Variants in PKIB observed in about 807,000 individuals in gnomAD.
PKIB encodes PKI-beta.
A neutral mutation model predicts 4.5 loss-of-function variants in PKIB; 2 were observed. The ratio of observed to expected loss-of-function variants is 0.44; its 90% CI spans 0.18 to 1.39. PKIB has a LOEUF of 1.39. PKIB is among the 40% of genes most tolerant of loss of function. The pLI is 0.27. For synonymous variants in PKIB, 38 were observed against 36.0 expected, an observed-to-expected ratio of 1.06 and a Z score of -0.20; for missense variants, 94 against 92.6, an observed-to-expected ratio of 1.02 and a Z score of -0.06.
chr6:122,574,810 C>G (rs1219267704), intron 2 of PKIB, among the ~76,000 whole-genome samples: 1 of 152,062 alleles, frequency 6.6e-6, no homozygotes, highest in Admixed American at 6.6e-5. Flanking sequence ...AAGATAACAT[C>G]AGAAAACTCT....
intron 1 of PKIB, among the ~76,000 whole-genome samples, chr6:122,473,430 T>G (rs779906887): frequency 9.2e-5 from 14 of 152,210 alleles, no homozygotes; most frequent in Non-Finnish European, 2.1e-4. Context: ...ACCTGAGATA[T>G]TCAGAGTTAA....
chr6:122,573,259 A>G (rs1773422927), intron 2 of PKIB, among the ~76,000 whole-genome samples: 1 of 152,158 alleles, frequency 6.6e-6, no homozygotes, highest in African/African-American at 2.4e-5. Flanking sequence ...TCCAAAAGAT[A>G]ATACATCATG....
At chr6:122,509,741 A>G (rs1776528761) in intron 2 of PKIB, among the ~76,000 whole-genome samples, 1 of 152,070 alleles carries the variant, frequency 6.6e-6, no homozygotes, top group Non-Finnish European at 1.5e-5. Context: ...TAAAATTGTC[A>G]TTTGATCAAA....
intron 3 of PKIB, among the ~76,000 whole-genome samples, chr6:122,716,072 G>T (rs189384646): frequency 2.5e-4 from 38 of 152,244 alleles, no homozygotes; most frequent in Admixed American, 2.1e-3. Context: ...GAAAATGCAA[G>T]AGGTCTTCCC....
At chr6:122,616,665 T>C (rs1474265021) in intron 1 of PKIB, among the ~76,000 whole-genome samples, 1 of 152,012 alleles carries the variant, frequency 6.6e-6, no homozygotes, top group African/African-American at 2.4e-5. Flanking sequence ...ACATACAATG[T>C]TTTCAATCTG....
intron 2 of PKIB, among the ~76,000 whole-genome samples, chr6:122,670,222 G>T (rs1777400126): frequency 6.6e-6 from 1 of 152,014 alleles, no homozygotes; most frequent in Non-Finnish European, 1.5e-5. Flanking sequence ...AAGAAATCCA[G>T]TTGCATGACC....
At chr6:122,634,538 A>G (rs1409098355) in intron 2 of PKIB, among the ~76,000 whole-genome samples, 6 of 152,040 alleles carry the variant, frequency 3.9e-5, no homozygotes, top group African/African-American at 1.4e-4. Context: ...GAAGGCTCCA[A>G]AGTTCTTCTC....
intron 2 of PKIB, among the ~76,000 whole-genome samples, chr6:122,670,361 A>G (rs954577788): frequency 6.6e-6 from 1 of 152,168 alleles, no homozygotes; most frequent in Non-Finnish European, 1.5e-5. Context: ...GTCTTCCTCC[A>G]GTTTTATAGT....
chr6:122,568,603 T>A (rs948070833), intron 2 of PKIB, among the ~76,000 whole-genome samples: 4 of 152,330 alleles, frequency 2.6e-5, no homozygotes, highest in Middle Eastern at 3.4e-3. Flanking sequence ...AAGCCATTAC[T>A]GACTATATCT....
At chr6:122,527,091 A>G (rs1777112832) in intron 2 of PKIB, among the ~76,000 whole-genome samples, 1 of 152,144 alleles carries the variant, frequency 6.6e-6, no homozygotes, top group Admixed American at 6.6e-5. Flanking sequence ...AAACTCTACT[A>G]GCTCCCAGCT....
At chr6:122,665,879 GCA>G (rs1777203625) in intron 2 of PKIB, among the ~76,000 whole-genome samples, 1 of 152,144 alleles carries the variant, frequency 6.6e-6, no homozygotes, top group South Asian at 2.1e-4. Context: ...ACCTTCTAAA[GCA>G]CAGTTTTTCC....
chr6:122,498,656 A>G lies in PKIB; in HGVS notation c.-248+20717A>G, dbSNP rs1390504067. On this transcript the variant is annotated intron_variant, in intron 2 of 6. Transcript: ENST00000392491. ...AGTAATGAGCTAACATCACATCTAG[A>G]CAAACTAGAAAAACAAGAACAAACT... is the stretch of plus-strand genomic sequence containing the variant. 2.6e-5 allele frequency among the ~76,000 whole-genome samples: 4 copies of G among 152,258 alleles called. No individual in the cohort carries two copies. The South Asian group carries it at 8.3e-4, about 31-fold the overall frequency.
chr6:122,531,420 C>G (rs1480504406), intron 2 of PKIB: 1 of 152,276 alleles, frequency 6.6e-6, no homozygotes, highest in East Asian at 1.9e-4. Context: ...TATAAATCTA[C>G]TTCATTATAC....
intron 3 of PKIB, among the ~76,000 whole-genome samples, chr6:122,698,371 A>C (rs993752479): frequency 6.6e-6 from 1 of 152,156 alleles, no homozygotes; most frequent in Non-Finnish European, 1.5e-5. Context: ...ATCCTGTCGC[A>C]AAGAGGTCTC....
chr6:122,534,192 C>T (rs1777339257), intron 2 of PKIB, among the ~76,000 whole-genome samples: 1 of 149,140 alleles, frequency 6.7e-6, no homozygotes, highest in South Asian at 2.1e-4. Context: ...ATATTATATA[C>T]AATTGAGGCC....
intron 2 of PKIB, among the ~76,000 whole-genome samples, chr6:122,549,244 G>A (rs566956406): frequency 6.6e-6 from 1 of 152,114 alleles, no homozygotes; most frequent in Non-Finnish European, 1.5e-5. Context: ...TCATACATAT[G>A]AGGCAATAAA....
chr6:122,520,601 CATT>C (rs1776902543), intron 2 of PKIB, among the ~76,000 whole-genome samples: 1 of 151,692 alleles, frequency 6.6e-6, no homozygotes, highest in Non-Finnish European at 1.5e-5. Context: ...TAGGGAAAGT[CATT>C]ATTTCCTCTT....
At chr6:122,720,581 A>C (rs960540110) in intron 4 of PKIB, among the ~76,000 whole-genome samples, 1 of 151,976 alleles carries the variant, frequency 6.6e-6, no homozygotes, top group Non-Finnish European at 1.5e-5. Context: ...AGGAGTGAAA[A>C]TTTTTGTCTT....
At chr6:122,667,376 A>G (rs1777265859) in intron 2 of PKIB, among the ~76,000 whole-genome samples, 1 of 152,052 alleles carries the variant, frequency 6.6e-6, no homozygotes, top group Non-Finnish European at 1.5e-5. Context: ...TCTCTACCAA[A>G]AATACAAAAA....
Sources: allele counts gnomAD v4.1 joint callset (sites outside exome capture counted in the v4.1 genomes callset), GRCh38; gene constraint gnomAD v4.1.1; transcripts MANE v1.5; gene names NCBI Gene and HGNC (gene_info 2026-07-23, HGNC 2026-07-21).